The following TMCC2 variants were observed in gnomAD, a reference collection of about 807,000 sequenced individuals.
TMCC2 encodes transmembrane and coiled-coil domains protein 2.
Under a neutral mutation model 49.4 loss-of-function variants are expected in TMCC2, and 16 were observed. The ratio of observed to expected loss-of-function variants is 0.32; its 90% CI spans 0.22 to 0.49. The LOEUF is 0.49. TMCC2 is among the 20% of genes least tolerant of loss of function. The pLI, the probability that TMCC2 is intolerant of heterozygous loss-of-function variation, is 0.99. For missense variants in TMCC2, 762 were observed against 989.8 expected (o/e 0.77, Z 3.09); for synonymous variants, 397 against 434.1 (o/e 0.91, Z 1.06).
chr1:205,245,206 G>A (rs1441717854), intron 2 of TMCC2, among the ~76,000 whole-genome samples: 3 of 152,238 alleles, frequency 2.0e-5, no homozygotes, highest in Admixed American at 6.5e-5. Context: ...CGTCTCCAGA[G>A]GGCACAAAAT....
At chr1:205,256,356 G>C in intron 2 of TMCC2, 1 of 1,550,912 alleles carries the variant, frequency 6.4e-7, no homozygotes, top group Non-Finnish European at 8.7e-7. Flanking sequence ...CCCTCTGCTG[G>C]CCACTCACAG....
chr1:205,241,494 T>C lies in TMCC2; in HGVS notation c.208-11T>C. On this transcript the variant is annotated splice_polypyrimidine_tract_variant and intron_variant, in intron 1 of 4. Coordinates refer to ENST00000358024, the MANE Select transcript of TMCC2 (RefSeq NM_014858.4). This position sits in a 1 kb window ranked among gnomAD's most constrained non-coding sequence, Gnocchi z 7.3. ...TCCACTCACCAGGGTTCTTCATCTC[T>C]CCCCCTTAAGAAAATCCAGCAGCTG... 1 of 1,612,020 alleles carries C rather than the reference T, an allele frequency of 6.2e-7. No homozygotes were observed.
At chr1:205,254,109 C>T (rs996750226) in intron 2 of TMCC2, among the ~76,000 whole-genome samples, 14 of 152,296 alleles carry the variant, frequency 9.2e-5, no homozygotes, top group African/African-American at 3.1e-4. Context: ...AGTTGTGAAG[C>T]GGCACGGACA....
At position 205,271,793 on chromosome 1, in the gene TMCC2, C is replaced by T; in HGVS notation, c.1819-20C>T. 2 of 1,602,742 alleles carry T rather than the reference C, an allele frequency of 1.2e-6. No individual in the cohort carries two copies. Among genetic ancestry groups the T allele is most frequent in the Non-Finnish European group, 1.7e-6 (2 of 1,177,472 alleles). On this transcript the variant is annotated intron_variant, in intron 4 of 4. Transcript: ENST00000358024. ...CTGCCCATCCTGAGCGCACACATGC[C>T]AGCCCCTCTGCCCCTGCAGGAGGCC...
At chr1:205,235,627 A>G (rs912947778) in intron 1 of TMCC2, among the ~76,000 whole-genome samples, 1 of 152,128 alleles carries the variant, frequency 6.6e-6, no homozygotes, top group Non-Finnish European at 1.5e-5. Flanking sequence ...TGAAATCCCC[A>G]TAGACTACTA....
chr1:205,252,969 AAT>A (rs200773864), intron 2 of TMCC2, among the ~76,000 whole-genome samples: 23 of 151,084 alleles, frequency 1.5e-4, no homozygotes, highest in Admixed American at 4.0e-4. Flanking sequence ...AAAAAAAAAA[AAT>A]AATAATAATA....
intron 1 of TMCC2, chr1:205,233,704 C>A (rs1353229452): frequency 1.3e-5 from 2 of 151,584 alleles, no homozygotes; most frequent in South Asian, 2.1e-4. Flanking sequence ...GTTTAAATAA[C>A]AGAAGCAAAG....
rs780794860 is a variant in TMCC2 at position 205,271,914 on chromosome 1, G to A, written c.1920G>A (p.Arg640=). ...QLEGVENANA[R]ALLGKFINVI... ...AGGGCGTGGAGAATGCCAACGCGCGGGCGCTGCTGGGCAAGTTCATCAACG... is the reference window on the plus strand; with the variant it reads ...AGGGCGTGGAGAATGCCAACGCGCGAGCGCTGCTGGGCAAGTTCATCAACG... Residue 640 remains arginine, a synonymous_variant, in exon 5 of 5, where the codon CGG becomes CGA. Coordinates refer to ENST00000358024, the MANE Select transcript of TMCC2 (RefSeq NM_014858.4). 1 of 1,614,080 alleles carries A rather than the reference G, an allele frequency of 6.2e-7. No individual in the cohort carries two copies.
rs542032883 is a variant in TMCC2, at chr1:205,243,316, G to A, written c.747+1272G>A. On this transcript the variant is annotated intron_variant, in intron 2 of 4. Coordinates refer to ENST00000358024, the MANE Select transcript of TMCC2 (RefSeq NM_014858.4). The stretch of plus-strand genomic sequence containing the variant: ...GGAGAATTGCTTGAACCTGGGAGGC[G>A]GAGGTTGTAGTGAGCCAAGATCGAG... Among the ~76,000 whole-genome samples the A allele has an allele frequency of 1.0e-3, 156 of 152,226 alleles. 2 individuals are homozygous for A. Among genetic ancestry groups the A allele is most frequent in the African/African-American group, 3.4e-3 (141 of 41,540 alleles).
intron 2 of TMCC2, among the ~76,000 whole-genome samples, chr1:205,258,800 G>T (rs1660985103): frequency 6.6e-6 from 1 of 152,224 alleles, no homozygotes; most frequent in Admixed American, 6.5e-5. Context: ...ACCTCTTTGG[G>T]TTGAAGGATT....
intron 1 of TMCC2, among the ~76,000 whole-genome samples, chr1:205,234,570 T>C (rs937833651): frequency 1.3e-5 from 2 of 152,234 alleles, no homozygotes; most frequent in South Asian, 2.1e-4. Flanking sequence ...TGGAAATACA[T>C]AGAAGTTAAA....
chr1:205,256,498 G>A, intron 2 of TMCC2: 1 of 1,396,332 alleles, frequency 7.2e-7, no homozygotes, highest in Non-Finnish European at 9.9e-7. Flanking sequence ...AGCTAGTGCA[G>A]AAGTGGCCAT....
chr1:205,240,482 G>T (rs558524374), intron 1 of TMCC2, among the ~76,000 whole-genome samples: 1 of 152,348 alleles, frequency 6.6e-6, no homozygotes, highest in Admixed American at 6.5e-5. Flanking sequence ...ATGTCACAAG[G>T]TTTGCTCATA....
At chr1:205,267,798 G>A in intron 2 of TMCC2, 1 of 863,278 alleles carries the variant, frequency 1.2e-6, no homozygotes, top group Non-Finnish European at 1.4e-6. Flanking sequence ...CTGCCCGCCT[G>A]GTGGGGAGTG....
At chr1:205,248,476 TA>T (rs1302066112) in intron 2 of TMCC2, among the ~76,000 whole-genome samples, 1 of 152,238 alleles carries the variant, frequency 6.6e-6, no homozygotes, top group African/African-American at 2.4e-5. Flanking sequence ...CACAGAAAAG[TA>T]ACTGCTCTCT....
chr1:205,261,268 G>A (rs1661103798), intron 2 of TMCC2, among the ~76,000 whole-genome samples: 1 of 141,620 alleles, frequency 7.1e-6, no homozygotes, highest in Non-Finnish European at 1.5e-5. Context: ...TGGTGTGTGT[G>A]ATCATAGCTC....
intron 1 of TMCC2, among the ~76,000 whole-genome samples, chr1:205,238,663 C>T (rs761313149): frequency 4.6e-5 from 7 of 152,038 alleles, no homozygotes; most frequent in Admixed American, 2.0e-4. Flanking sequence ...TTTTGTTTGG[C>T]GCCTGCCTCT....
intron 1 of TMCC2, chr1:205,229,489 T>A (rs1014538816): frequency 6.4e-6 from 2 of 314,430 alleles, no homozygotes; most frequent in Non-Finnish European, 8.7e-6. Context: ...CCGGGCCCCA[T>A]TGGGATCTTT....
At chr1:205,245,664 C>T (rs7368327) in intron 2 of TMCC2, among the ~76,000 whole-genome samples, 40,629 of 152,092 alleles carry the variant, frequency 0.27, 7,166 homozygotes, top group Non-Finnish European at 0.39. Flanking sequence ...GTGTGTATGC[C>T]GTGTGCCTGG....
Sources: allele counts gnomAD v4.1 joint callset (sites outside exome capture counted in the v4.1 genomes callset), GRCh38; gene constraint gnomAD v4.1.1; non-coding constraint Gnocchi (gnomAD v3.1); transcripts MANE v1.5; gene names NCBI Gene and HGNC (gene_info 2026-07-23, HGNC 2026-07-21).